Variants in COPZ2 observed in about 807,000 individuals in gnomAD.
COPZ2 encodes the protein coatomer subunit zeta-2.
In COPZ2, 30 loss-of-function variants were observed where a neutral mutation model predicts 33.2. The ratio of observed to expected loss-of-function variants is 0.90; its 90% CI spans 0.68 to 1.23. The LOEUF (loss-of-function observed/expected upper bound fraction) is 1.23, where lower values mean the gene tolerates loss of function less well. COPZ2 is among the 50% of genes most tolerant of loss of function. COPZ2 has a pLI of 0.00. For synonymous variants in COPZ2, 89 were observed against 102.6 expected (o/e 0.87, Z 0.80); for missense variants, 263 against 262.4 (o/e 1.00, Z -0.02).
At position 48,037,206 on chromosome 17, in the gene COPZ2, C is replaced by G. The variant is rs200114569; in HGVS notation, c.112-281G>C. ...CTGTCATGCACTGACTGCTCCAGAGCCCGAGTCGGAGTGTATCACAGAACC... is the reference window on the plus strand; with the variant it reads ...CTGTCATGCACTGACTGCTCCAGAGGCCGAGTCGGAGTGTATCACAGAACC... On this transcript the variant is annotated intron_variant, in intron 1 of 8. Coordinates refer to ENST00000621465, the MANE Select transcript of COPZ2 (RefSeq NM_016429.4). The surrounding 1 kb of genome is among the most constrained non-coding windows in gnomAD (Gnocchi z 5.6). The G allele has an allele frequency of 3.3e-3, 2,197 of 672,918 alleles. 8 individuals are homozygous for G. The highest frequency in any genetic ancestry group is 4.6e-3 in the Non-Finnish European group (1,641 of 354,508). 41.7% of individuals were successfully genotyped at this position (672,918 alleles called of 1,614,324 possible).
chr17:48,043,362 C>T, the COPZ2 span, among the ~76,000 whole-genome samples: 1 of 152,148 alleles, frequency 6.6e-6, no homozygotes, highest in Non-Finnish European at 1.5e-5. Context: ...CCTGCTGCCA[C>T]ATTTCTGTGC....
chr17:48,030,156 G>A (rs1018809828), intron 6 of COPZ2, among the ~76,000 whole-genome samples: 3 of 149,620 alleles, frequency 2.0e-5, no homozygotes, highest in South Asian at 2.1e-4. Context: ...TAATGGTGGC[G>A]CACGCCTATA....
At position 48,032,242 on chromosome 17, in the gene COPZ2, G is replaced by T. The variant is rs753675736; in HGVS notation, c.417-9C>A. The T allele has an allele frequency of 2.5e-6, 4 of 1,610,254 alleles. No homozygotes were observed. In the Middle Eastern group the frequency reaches 5.0e-4, roughly 199 times the overall value. On this transcript the variant is annotated splice_polypyrimidine_tract_variant and intron_variant, in intron 5 of 8. Coordinates refer to ENST00000621465, the MANE Select transcript of COPZ2 (RefSeq NM_016429.4). ...GCTTCTCCACGTTCTTCCTGAAGGT[G>T]GACACAAGCTCCTGAGCCTCCCTGT...
rs1181716000 is a variant in COPZ2, at chr17:48,036,931, A to T, written c.112-6T>A. 6.2e-7 allele frequency: 1 copy of T among 1,613,284 alleles called. No individual in the cohort carries two copies. Among genetic ancestry groups the T allele is most frequent in the South Asian group, 1.1e-5 (1 of 91,052 alleles). The stretch of plus-strand genomic sequence containing the variant: ...TAGAGGGAAGGTTCCTGCAACTGAC[A>T]CCGGAGAGGAGAGTTCCGTTTGGCC... On this transcript the variant is annotated splice_polypyrimidine_tract_variant and splice_region_variant and intron_variant, in intron 1 of 8. Coordinates refer to ENST00000621465, the MANE Select transcript of COPZ2 (RefSeq NM_016429.4).
chr17:48,038,788 T>C (rs928572312), upstream of COPZ2, among the ~76,000 whole-genome samples: 1 of 152,228 alleles, frequency 6.6e-6, no homozygotes, highest in Non-Finnish European at 1.5e-5. Flanking sequence ...CCTAGATGGT[T>C]ACAGAATGGG....
In COPZ2 at chr17:48,028,921, G is replaced by A. The variant is rs970350852; in HGVS notation, c.546+204C>T. Among the ~76,000 whole-genome samples, 14 of 152,034 alleles carry A rather than the reference G, an allele frequency of 9.2e-5. No individual in the cohort carries two copies. Among genetic ancestry groups the A allele is most frequent in the African/African-American group, 2.4e-4 (10 of 41,364 alleles). The stretch of plus-strand genomic sequence containing the variant: ...AGGTGAGGTACTTGTGCTCCTAGCC[G>A]GGGAGAGGACAGGAAGATTTCTTCC... On this transcript the variant is annotated intron_variant, in intron 7 of 8. Transcript: ENST00000621465. This position sits in a 1 kb window ranked among gnomAD's most constrained non-coding sequence, Gnocchi z 4.5.
At chr17:48,027,519 T>C (rs2036833821) in intron 8 of COPZ2, among the ~76,000 whole-genome samples, 1 of 152,210 alleles carries the variant, frequency 6.6e-6, no homozygotes, top group Non-Finnish European at 1.5e-5. Context: ...ACCTGTGTTC[T>C]TATCTGCTCT....
rs773239695 is a variant in COPZ2 at position 48,033,909 on chromosome 17, CT to C, written c.221del (p.Gln74ArgfsTer25). Reference sequence around the variant, plus strand: ...TGAAGACATTTTTCTCGAAAACCATCTGCTCCTTCATGGAGGGGAATGTGTC... The same window carrying C: ...TGAAGACATTTTTCTCGAAAACCATCGCTCCTTCATGGAGGGGAATGTGTC... ...YDDTFPSMKE[Q>X]MVFEKNVFNK... On this transcript the variant is annotated frameshift_variant, in exon 3 of 9. Transcript: ENST00000621465. LOFTEE classifies it high-confidence loss of function. 1 of 1,611,948 alleles carries C rather than the reference CT, an allele frequency of 6.2e-7. No individual in the cohort carries two copies. Among genetic ancestry groups the C allele is most frequent in the Non-Finnish European group, 8.5e-7 (1 of 1,178,962 alleles).
In COPZ2 at chr17:48,037,658, G is replaced by A. The variant is rs544940144; in HGVS notation, c.111+9C>T. The A allele has an allele frequency of 3.5e-5, 38 of 1,093,902 alleles. No individual in the cohort carries two copies. Among genetic ancestry groups the A allele is most frequent in the Non-Finnish European group, 4.1e-5 (37 of 901,680 alleles). 67.8% of individuals were successfully genotyped at this position (1,093,902 alleles called of 1,614,324 possible). A position where few individuals can be genotyped will look rare whatever the true frequency, so the allele number is the denominator to read the frequency against. ...CCGCCCGGGATCCCCGCGCCCGCCC[G>A]CTCCGTACCCGCAGCCCCGAGGGCT... is the stretch of plus-strand genomic sequence containing the variant. On this transcript the variant is annotated intron_variant, in intron 1 of 8. Transcript: ENST00000621465. The surrounding 1 kb of genome is among the most constrained non-coding windows in gnomAD (Gnocchi z 5.6).
Position 48,031,814 on chromosome 17 carries a change from G to C in COPZ2, c.494+342C>G, listed in dbSNP as rs192457588. ...ACATGTGGGGCTGGTGGGACTGTCTGAAGTCCTTCCAGAGAGGGCCAGCAT... is the reference window on the plus strand; with the variant it reads ...ACATGTGGGGCTGGTGGGACTGTCTCAAGTCCTTCCAGAGAGGGCCAGCAT... On this transcript the variant is annotated intron_variant, in intron 6 of 8. Coordinates refer to ENST00000621465, the MANE Select transcript of COPZ2 (RefSeq NM_016429.4). 1.4e-3 allele frequency: 495 copies of C among 354,616 alleles called. 4 individuals are homozygous for C. Among genetic ancestry groups the C allele is most frequent in the African/African-American group, 9.3e-3 (447 of 47,908 alleles). 22.0% of individuals were successfully genotyped at this position (354,616 alleles called of 1,614,324 possible).
chr17:48,046,943 C>T, the COPZ2 span: 4 of 152,290 alleles, frequency 2.6e-5, no homozygotes, highest in South Asian at 4.1e-4. Flanking sequence ...ATGGAAAGAT[C>T]GCTTGAGTCC....
At position 48,026,201 on chromosome 17, in the gene COPZ2, T is replaced by C. The variant is rs904777416; in HGVS notation, c.*227A>G. On this transcript the variant is annotated 3_prime_UTR_variant, in exon 9 of 9. Transcript: ENST00000621465. Reference sequence around the variant, plus strand: ...GACAAAAGCAGGTTTATTAGGGCCCTGGGGCCAGGAATGCCTAAGATATGA... The same window carrying C: ...GACAAAAGCAGGTTTATTAGGGCCCCGGGGCCAGGAATGCCTAAGATATGA... 15 of 539,926 alleles carry C rather than the reference T, an allele frequency of 2.8e-5. No individual in the cohort carries two copies. The Admixed American group carries it at 3.9e-4, about 14-fold the overall frequency. The allele number at this position is 539,926 out of a possible 1,614,324, so 33.4% of individuals were successfully genotyped here. A position where few individuals can be genotyped will look rare whatever the true frequency, so the allele number is the denominator to read the frequency against.
At chr17:48,031,528 G>C (rs2036894683) in intron 6 of COPZ2, 1 of 151,112 alleles carries the variant, frequency 6.6e-6, no homozygotes, top group Admixed American at 6.6e-5. Flanking sequence ...TCTGAATATT[G>C]ATCCCCTGAT....
At chr17:48,039,063 C>T (rs969740308), upstream of COPZ2, among the ~76,000 whole-genome samples, 4 of 152,194 alleles carry the variant, frequency 2.6e-5, no homozygotes, top group African/African-American at 7.2e-5. Context: ...CAGCCTCAAC[C>T]TCCTGGGCTC....
chr17:48,036,962 C>T (rs1312879751), intron 1 of COPZ2, 37 bp from the exon 2 acceptor site: 1 of 1,566,374 alleles, frequency 6.4e-7, no homozygotes, highest in East Asian at 2.2e-5. Flanking sequence ...TGGCCCCTGA[C>T]TCGAGGTGGA....
rs919850813 is a variant in COPZ2, at chr17:48,037,402, C to T, written c.111+265G>A. On this transcript the variant is annotated intron_variant, in intron 1 of 8. Transcript: ENST00000621465. This position sits in a 1 kb window ranked among gnomAD's most constrained non-coding sequence, Gnocchi z 5.6. The stretch of plus-strand genomic sequence containing the variant: ...CTGGGACGGACAGGCCACTCCTTAC[C>T]CTCCCCGCGGAATCGCAACTCACCC... Among the ~76,000 whole-genome samples the T allele has an allele frequency of 6.6e-6, 1 of 152,174 alleles. No homozygotes were observed. The highest frequency in any genetic ancestry group is 2.4e-5 in the African/African-American group (1 of 41,440).
intron 6 of COPZ2, among the ~76,000 whole-genome samples, chr17:48,031,180 T>A (rs752930697): frequency 1.3e-5 from 2 of 152,170 alleles, no homozygotes; most frequent in Admixed American, 6.5e-5. Context: ...TGGCCGGGGA[T>A]GGTGGCTCAC....
chr17:48,030,815 C>T (rs1178839314), intron 6 of COPZ2, among the ~76,000 whole-genome samples: 1 of 152,228 alleles, frequency 6.6e-6, no homozygotes, highest in African/African-American at 2.4e-5. Flanking sequence ...CAGAGCCCTG[C>T]ATCTTGTTTT....
chr17:48,029,259 C>T, intron 6 of COPZ2, 83 bp from the exon 7 acceptor site: 1 of 1,297,152 alleles, frequency 7.7e-7, no homozygotes, highest in Non-Finnish European at 1.1e-6. Context: ...AGCCTCTTCC[C>T]TCTCCGAAGG....
Sources: gnomAD v4.1 joint callset for allele counts (sites outside exome capture counted in the v4.1 genomes callset) on GRCh38, gnomAD v4.1.1 for gene constraint, Gnocchi (gnomAD v3.1) non-coding constraint, MANE v1.5 for transcripts, NCBI Gene and HGNC (gene_info 2026-07-23, HGNC 2026-07-21) for gene names.